VMP1: variants seen among roughly 807,000 people sequenced by gnomAD.
The protein encoded by VMP1 is vacuole membrane protein 1.
VMP1 carries 11 observed loss-of-function variants against 56.0 expected under a neutral mutation model. The observed-to-expected ratio is 0.20, with a 90% CI of 0.12 to 0.32. VMP1 has a LOEUF of 0.32. VMP1 is among the 10% of genes least tolerant of loss of function. The pLI is 1.00. For synonymous variants in VMP1, 149 were observed against 165.0 expected (o/e 0.90, Z 0.74); for missense variants, 296 against 490.3 (o/e 0.60, Z 3.74).
chr17:59,788,891 G>T (rs1444230101), intron 7 of VMP1, among the ~76,000 whole-genome samples: 1 of 151,008 alleles, frequency 6.6e-6, no homozygotes, highest in African/African-American at 2.4e-5. Context: ...CAGATATGGC[G>T]GTGGAAAAAG....
intron 7 of VMP1, among the ~76,000 whole-genome samples, chr17:59,780,518 A>G: frequency 6.6e-6 from 1 of 152,252 alleles, no homozygotes; most frequent in East Asian, 1.9e-4. Context: ...TAATGCAATA[A>G]AAAGTGAAGA....
At chr17:59,717,167 T>C (rs912667880) in intron 1 of VMP1, among the ~76,000 whole-genome samples, 1 of 151,752 alleles carries the variant, frequency 6.6e-6, no homozygotes, top group African/African-American at 2.4e-5. Context: ...ACACGGAGTT[T>C]CACTGTGTTG....
intron 7 of VMP1, among the ~76,000 whole-genome samples, chr17:59,775,258 T>C (rs996314901): frequency 2.3e-4 from 34 of 148,592 alleles, no homozygotes; most frequent in Non-Finnish European, 4.0e-4. Context: ...AAAAATTTTT[T>C]AAAAAGCTTA....
chr17:59,839,647 T>G, intron 11 of VMP1, 121 bp from the exon 12 acceptor site: 1 of 1,320,958 alleles, frequency 7.6e-7, no homozygotes, highest in Non-Finnish European at 1.0e-6. Context: ...GTTGCTTACT[T>G]TTCATTTTTA....
At chr17:59,717,791 G>C (rs1366888739) in intron 1 of VMP1, among the ~76,000 whole-genome samples, 1 of 152,042 alleles carries the variant, frequency 6.6e-6, no homozygotes, top group Non-Finnish European at 1.5e-5. Context: ...ATGGTGGTGC[G>C]TGCCTGTTAT....
intron 5 of VMP1, among the ~76,000 whole-genome samples, chr17:59,747,925 G>A (rs372807466): frequency 6.6e-6 from 1 of 151,122 alleles, no homozygotes; most frequent in African/African-American, 2.4e-5. Context: ...AGCCAGGCGC[G>A]GTGGCTCACG....
chr17:59,739,444 G>A (rs1345564106), intron 5 of VMP1, among the ~76,000 whole-genome samples: 1 of 149,108 alleles, frequency 6.7e-6, no homozygotes, highest in African/African-American at 2.5e-5. Flanking sequence ...CCCCTTCTGG[G>A]CTGGGCGTGG....
intron 7 of VMP1, among the ~76,000 whole-genome samples, chr17:59,795,363 C>T (rs1328758335): frequency 8.6e-5 from 13 of 152,044 alleles, no homozygotes; most frequent in Non-Finnish European, 1.3e-4. Flanking sequence ...GTGATCCATC[C>T]GCCTCAGCCT....
chr17:59,786,016 A>T (rs891342748), intron 7 of VMP1, among the ~76,000 whole-genome samples: 1 of 152,172 alleles, frequency 6.6e-6, no homozygotes, highest in African/African-American at 2.4e-5. Context: ...GCTGAAAAAA[A>T]TCTTATTTTT....
intron 7 of VMP1, among the ~76,000 whole-genome samples, chr17:59,793,445 A>G (rs2037311725): frequency 8.5e-6 from 1 of 117,088 alleles, no homozygotes; most frequent in African/African-American, 2.6e-5. Context: ...GCAGTAATAA[A>G]TCTTGCATAC....
At chr17:59,839,627 A>G (rs2039094783) in intron 11 of VMP1, 141 bp from the exon 12 acceptor site, 2 of 979,572 alleles carry the variant, frequency 2.0e-6, no homozygotes, top group Non-Finnish European at 3.0e-6. Context: ...GAGATTTCAG[A>G]GTAGTTGGGG....
intron 10 of VMP1, among the ~76,000 whole-genome samples, chr17:59,828,927 C>G (rs1292065): frequency 0.56 from 85,270 of 151,980 alleles, 26,580 homozygotes; most frequent in Non-Finnish European, 0.7. Flanking sequence ...ACCAGCCTGA[C>G]CAACATGGTG....
chr17:59,825,062 A>T (rs2038597703), intron 10 of VMP1, among the ~76,000 whole-genome samples: 1 of 143,338 alleles, frequency 7.0e-6, no homozygotes, highest in African/African-American at 2.6e-5. Context: ...CTCAAAAGGC[A>T]TTATGTTAGT....
chr17:59,755,997 A>C (rs2035828629), intron 5 of VMP1, among the ~76,000 whole-genome samples: 1 of 152,066 alleles, frequency 6.6e-6, no homozygotes, highest in South Asian at 2.1e-4. Flanking sequence ...TCGGCCTCTC[A>C]AAGTGTTAGG....
At chr17:59,722,709 G>T (rs1005976428) in intron 1 of VMP1, among the ~76,000 whole-genome samples, 1 of 152,106 alleles carries the variant, frequency 6.6e-6, no homozygotes, top group Non-Finnish European at 1.5e-5. Flanking sequence ...CCGGGCATGG[G>T]GGTACATGCT....
intron 5 of VMP1, among the ~76,000 whole-genome samples, chr17:59,747,008 A>G (rs1391379376): frequency 1.3e-5 from 2 of 152,200 alleles, no homozygotes; most frequent in Non-Finnish European, 2.9e-5. Flanking sequence ...TTTTCAAAAT[A>G]TATCTATATT....
rs950927710 is a variant in VMP1 at position 59,742,325 on chromosome 17, C to A, written c.414+3378C>A. On this transcript the variant is annotated intron_variant, in intron 5 of 11. Transcript: ENST00000262291. ...AGGTTCAAGAGCAGACCTAGCAAGA[C>A]CCCGTTTCTGAAAAACACATAAATA... 3.3e-5 allele frequency among the ~76,000 whole-genome samples: 5 copies of A among 151,952 alleles called. No homozygotes were observed. The South Asian group carries it at 6.3e-4, about 19-fold the overall frequency.
chr17:59,710,546 CT>C (rs951005789), intron 1 of VMP1, among the ~76,000 whole-genome samples: 6 of 152,180 alleles, frequency 3.9e-5, no homozygotes, highest in Admixed American at 1.3e-4. Context: ...TATTTACAAA[CT>C]TTTTTTCCCT....
intron 5 of VMP1, among the ~76,000 whole-genome samples, chr17:59,755,833 G>T (rs897571592): frequency 6.6e-6 from 1 of 151,048 alleles, no homozygotes; most frequent in African/African-American, 2.4e-5. Flanking sequence ...TGAACTCCTG[G>T]GCTCGAGTGG....
Sources: allele counts gnomAD v4.1 joint callset (sites outside exome capture counted in the v4.1 genomes callset), GRCh38; gene constraint gnomAD v4.1.1; transcripts MANE v1.5; gene names NCBI Gene and HGNC (gene_info 2026-07-23, HGNC 2026-07-21).